FRY: variants seen among roughly 807,000 people sequenced by gnomAD.
The protein encoded by FRY is FRY microtubule binding protein.
Under a neutral mutation model 348.4 loss-of-function variants are expected in FRY, and 128 were observed. The observed-to-expected ratio is 0.37, with a 90% CI of 0.32 to 0.43. The LOEUF is 0.43. Ranked by LOEUF, FRY falls within the 20% of genes least tolerant of loss-of-function variation. The probability of loss-of-function intolerance (pLI) is 1.00; values close to 1 mark genes in which losing one functional copy is unlikely to be tolerated. For synonymous variants in FRY, 1,370 were observed against 1,374.7 expected (o/e 1.00, Z 0.08); for missense variants, 2,736 against 3,695.2 (o/e 0.74, Z 6.73).
intron 36 of FRY, among the ~76,000 whole-genome samples, chr13:32,223,622 AT>A (rs1191515323): frequency 6.6e-6 from 1 of 152,162 alleles, no homozygotes. Context: ...TAAAATAATA[AT>A]AATAATTTTT....
At chr13:32,124,427 A>C (rs1566084383) in intron 5 of FRY, 51 bp downstream of exon 5, 3 of 1,066,248 alleles carry the variant, frequency 2.8e-6, no homozygotes, top group Non-Finnish European at 4.3e-6. Flanking sequence ...TGATCTAAAA[A>C]CTACTTAGGT....
At chr13:32,149,881 A>G in intron 14 of FRY, 47 bp downstream of exon 14, 1 of 1,159,258 alleles carries the variant, frequency 8.6e-7, no homozygotes, top group Non-Finnish European at 1.3e-6. Context: ...TGTCTTCCGG[A>G]GCCATACCTT....
chr13:32,188,220 T>G (rs1487184885), intron 28 of FRY, among the ~76,000 whole-genome samples: 1 of 152,166 alleles, frequency 6.6e-6, no homozygotes, highest in Non-Finnish European at 1.5e-5. Flanking sequence ...TCCATCAAGG[T>G]TAAGACATTT....
intron 56 of FRY, among the ~76,000 whole-genome samples, chr13:32,276,192 G>T (rs923362001): frequency 6.6e-6 from 1 of 152,180 alleles, no homozygotes; most frequent in Non-Finnish European, 1.5e-5. Flanking sequence ...ATATCTTAGT[G>T]TGGGCCTTTA....
intron 36 of FRY, among the ~76,000 whole-genome samples, chr13:32,223,822 A>G (rs1885440840): frequency 1.3e-5 from 2 of 152,118 alleles, no homozygotes; most frequent in South Asian, 4.1e-4. Context: ...TCCACCTCCC[A>G]GATTCAAGCG....
At chr13:32,041,466 G>A (rs1278860691) in intron 1 of FRY, among the ~76,000 whole-genome samples, 4 of 151,784 alleles carry the variant, frequency 2.6e-5, no homozygotes, top group South Asian at 2.1e-4. Flanking sequence ...GCTAATTTTT[G>A]TATTTTTAGT....
intron 1 of FRY, among the ~76,000 whole-genome samples, chr13:32,040,676 T>C: frequency 6.6e-6 from 1 of 152,248 alleles, no homozygotes. Flanking sequence ...GTTAAATCAC[T>C]GTATATCTAA....
intron 1 of FRY, among the ~76,000 whole-genome samples, chr13:32,050,740 G>A (rs575655751): frequency 6.6e-6 from 1 of 152,268 alleles, no homozygotes; most frequent in Admixed American, 6.5e-5. Context: ...GACTACTTCA[G>A]AATGCCACAG....
Position 32,278,474 on chromosome 13 carries a change from A to T in FRY, c.8395A>T (p.Asn2799Tyr). Reference sequence around the variant, plus strand: ...CCTCTCTTTCTGACAGTGGCTTGCAAATTGTAAGGCAACATTTGCAGGGGG... The same window carrying T: ...CCTCTCTTTCTGACAGTGGCTTGCATATTGTAAGGCAACATTTGCAGGGGG... ...RKEATLSWLANCKATFAGGSR... is the reference protein window; with the variant it reads ...RKEATLSWLAYCKATFAGGSR... Residue 2799 changes from asparagine (N) to tyrosine (Y), a missense_variant, in exon 58 of 61, where the codon AAT becomes TAT. Coordinates refer to ENST00000542859, the MANE Select transcript of FRY (RefSeq NM_023037.3). The T allele has an allele frequency of 6.3e-7, 1 of 1,581,914 alleles. No individual in the cohort carries two copies. Among genetic ancestry groups the T allele is most frequent in the Non-Finnish European group, 8.7e-7 (1 of 1,150,706 alleles).
chr13:32,275,315 G>A (rs747184003), intron 56 of FRY, among the ~76,000 whole-genome samples: 20 of 151,232 alleles, frequency 1.3e-4, no homozygotes, highest in Non-Finnish European at 2.5e-4. Context: ...ATGACCCCGG[G>A]GGGCAGAGCT....
chr13:32,092,246 A>G (rs928486189), intron 2 of FRY, among the ~76,000 whole-genome samples: 1 of 152,236 alleles, frequency 6.6e-6, no homozygotes, highest in East Asian at 1.9e-4. Flanking sequence ...AGGCCACTAA[A>G]AAGTTAGAAG....
rs1042791576 is a variant in FRY at position 32,247,567 on chromosome 13, G to C, written c.7008+65G>C. On this transcript the variant is annotated intron_variant, in intron 48 of 60. Coordinates refer to ENST00000542859, the MANE Select transcript of FRY (RefSeq NM_023037.3). ...GAATTTGTAGTAGCAAAGATCAAAAGTAGTTGCCTGGAAAAAAGAAGACTT... is the reference window on the plus strand; with the variant it reads ...GAATTTGTAGTAGCAAAGATCAAAACTAGTTGCCTGGAAAAAAGAAGACTT... 2.4e-5 allele frequency: 29 copies of C among 1,220,608 alleles called. No individual in the cohort carries two copies. In the African/African-American group the frequency reaches 3.1e-4, roughly 13 times the overall value. The allele number at this position is 1,220,608 out of a possible 1,614,324, so 75.6% of individuals were successfully genotyped here.
chr13:32,163,146 T>A (rs1010996820), intron 17 of FRY, among the ~76,000 whole-genome samples: 25 of 152,196 alleles, frequency 1.6e-4, no homozygotes, highest in African/African-American at 5.1e-4. Context: ...GGAGAGCCTG[T>A]CAGTTTGCTG....
intron 59 of FRY, among the ~76,000 whole-genome samples, chr13:32,291,118 G>A (rs1035903892): frequency 1.3e-5 from 2 of 152,048 alleles, no homozygotes; most frequent in Non-Finnish European, 2.9e-5. Context: ...CCATGCCAGT[G>A]ACAGCAGAGA....
intron 5 of FRY, 107 bp downstream of exon 5, chr13:32,124,483 G>A (rs1878903005): frequency 1.2e-6 from 1 of 863,204 alleles, no homozygotes; most frequent in Admixed American, 2.0e-5. Context: ...TCCAAATACT[G>A]GGTTATATGA....
chr13:32,180,215 G>T (rs1882615385), intron 23 of FRY, among the ~76,000 whole-genome samples: 1 of 152,048 alleles, frequency 6.6e-6, no homozygotes, highest in African/African-American at 2.4e-5. Flanking sequence ...CAGTTCCATT[G>T]GTTGATCTTT....
In FRY at chr13:32,225,017, A is replaced by G; in HGVS notation, c.5001A>G (p.Leu1667=). 1 of 1,597,692 alleles carries G rather than the reference A, an allele frequency of 6.3e-7. No individual in the cohort carries two copies. The change falls in exon 38 of 61, where the codon TTA becomes TTG. Residue 1667 remains leucine (L), a synonymous_variant. Transcript: ENST00000542859. The stretch of plus-strand genomic sequence containing the variant: ...ACTGGGCGCTTCATCTACCATTATT[A>G]CTTCATGCTGTCTTCTTAGGTAAGA... ...REDWALHLPL[L]LHAVFLGLDH...
At chr13:32,040,877 G>A (rs1212006159) in intron 1 of FRY, among the ~76,000 whole-genome samples, 1 of 152,170 alleles carries the variant, frequency 6.6e-6, no homozygotes, top group Non-Finnish European at 1.5e-5. Context: ...TCATGTTTCA[G>A]TTAACCCATG....
chr13:32,095,423 C>T (rs1467609537), intron 2 of FRY, among the ~76,000 whole-genome samples: 1 of 143,308 alleles, frequency 7.0e-6, no homozygotes, highest in African/African-American at 2.6e-5. Context: ...TCTTGGCTCA[C>T]TGCAACCTCT....
Sources: allele counts gnomAD v4.1 joint callset (sites outside exome capture counted in the v4.1 genomes callset), GRCh38; gene constraint gnomAD v4.1.1; transcripts MANE v1.5; gene names NCBI Gene and HGNC (gene_info 2026-07-23, HGNC 2026-07-21).